The following PGAM1 variants were observed in gnomAD, a reference collection of about 807,000 sequenced individuals.
PGAM1 encodes phosphoglycerate mutase 1, also known as BPG-dependent PGAM 1.
PGAM1 carries 21 observed loss-of-function variants against 23.5 expected under a neutral mutation model. That is an observed-to-expected ratio of 0.89 (90% confidence interval 0.63 to 1.29). The LOEUF is 1.29. PGAM1 is among the 50% of genes most tolerant of loss of function. The pLI, the probability that PGAM1 is intolerant of heterozygous loss-of-function variation, is 0.00. For synonymous variants in PGAM1, 109 were observed against 128.6 expected (o/e 0.85, Z 1.03); for missense variants, 232 against 336.3 (o/e 0.69, Z 2.42).
At chr10:97,427,513 G>A in intron 1 of PGAM1, 4 of 1,063,984 alleles carry the variant, frequency 3.8e-6, no homozygotes, top group East Asian at 8.6e-5. Context: ...ACTTGTCCAA[G>A]GTCATATCTG....
intron 1 of PGAM1, 70 bp from the exon 2 acceptor site, chr10:97,430,309 T>C (rs1404543285): frequency 4.5e-6 from 7 of 1,569,858 alleles, no homozygotes; most frequent in East Asian, 2.2e-5. Flanking sequence ...GTACAGGAGA[T>C]TGATACTGAA....
chr10:97,426,902 C>G (rs551207384), intron 1 of PGAM1, among the ~76,000 whole-genome samples: 1 of 152,178 alleles, frequency 6.6e-6, no homozygotes, highest in African/African-American at 2.4e-5. Context: ...GCCGTGGTGG[C>G]GCACGCCTGT....
chr10:97,427,333 C>G, intron 1 of PGAM1: 1 of 990,244 alleles, frequency 1.0e-6, no homozygotes, highest in Non-Finnish European at 1.2e-6. Context: ...CTTTGCTGTT[C>G]AGTAGCATTC....
rs751797214 is a variant in PGAM1 at position 97,430,491 on chromosome 10, T to C, written c.252T>C (p.Thr84=). ...IDQMWLPVVR[T]WRLNERHYGG... ...AGATGTGGCTGCCAGTGGTGAGGAC[T>C]TGGCGCCTCAATGAGCGGCACTATG... Residue 84 remains threonine (T), a synonymous_variant, in exon 2 of 4, where the codon ACT becomes ACC. Transcript: ENST00000334828. 62 of 1,602,626 alleles carry C rather than the reference T, an allele frequency of 3.9e-5. No homozygotes were observed. Among genetic ancestry groups the C allele is most frequent in the Non-Finnish European group, 5.1e-5 (60 of 1,179,568 alleles).
chr10:97,427,722 C>A, intron 1 of PGAM1: 1 of 1,252,046 alleles, frequency 8.0e-7, no homozygotes, highest in Middle Eastern at 2.3e-4. Context: ...CTGCTGCCGG[C>A]ACGGCCAAGA....
At chr10:97,427,285 G>A in intron 1 of PGAM1, 1 of 986,428 alleles carries the variant, frequency 1.0e-6, no homozygotes, top group African/African-American at 1.7e-5. Context: ...TGCCTAACAA[G>A]CCTCAGAACA....
rs1263060628 is a variant in PGAM1, at chr10:97,431,112, G to A, written c.572G>A (p.Arg191Gln). Residue 191 changes from arginine (R) to glutamine (Q), a missense_variant, in exon 3 of 4, where the codon CGG becomes CAG. Arg to Gln is a conservative substitution (Grantham distance 43). Around this residue, in one of 3 missense-constraint regions of PGAM1, gnomAD observed 191 missense variants for 241.7 expected, o/e 0.79. Coordinates refer to ENST00000334828, the MANE Select transcript of PGAM1 (RefSeq NM_002629.4). ...VLIAAHGNSLRGIVKHLEGLS... is the reference protein window; with the variant it reads ...VLIAAHGNSLQGIVKHLEGLS... ...ATTGCAGCCCATGGCAACAGCCTCC[G>A]GGGCATTGTCAAGCATCTGGAGGGT... The A allele has an allele frequency of 4.3e-6, 7 of 1,614,150 alleles. No individual in the cohort carries two copies. Among genetic ancestry groups the A allele is most frequent in the South Asian group, 2.2e-5 (2 of 91,084 alleles).
intron 1 of PGAM1, chr10:97,427,248 C>A: frequency 1.0e-6 from 1 of 985,994 alleles, no homozygotes; most frequent in Non-Finnish European, 1.2e-6. Flanking sequence ...CAGCCTCGTC[C>A]CCAGCAGTAG....
chr10:97,426,927 G>C (rs747686007), intron 1 of PGAM1, among the ~76,000 whole-genome samples: 1 of 152,194 alleles, frequency 6.6e-6, no homozygotes, highest in Non-Finnish European at 1.5e-5. Context: ...CCAGCTACTC[G>C]GGAGGCTGAA....
intron 1 of PGAM1, among the ~76,000 whole-genome samples, chr10:97,429,243 A>G (rs914827199): frequency 1.3e-5 from 2 of 151,806 alleles, no homozygotes; most frequent in African/African-American, 4.8e-5. Context: ...AGCTGGGACT[A>G]CAGGCGCCCG....
intron 1 of PGAM1, chr10:97,427,314 T>C: frequency 1.0e-6 from 1 of 986,484 alleles, no homozygotes; most frequent in Non-Finnish European, 1.2e-6. Flanking sequence ...TCCGCGTGGT[T>C]GTGCAGGTCT....
At chr10:97,430,059 AAAAG>A (rs1174412957) in intron 1 of PGAM1, among the ~76,000 whole-genome samples, 5 of 151,826 alleles carry the variant, frequency 3.3e-5, no homozygotes, top group South Asian at 4.1e-4. Flanking sequence ...AAAAAAAAAA[AAAAG>A]AAAAGAAAAA....
In PGAM1 at chr10:97,426,218, C is replaced by T. The variant is rs1023843919; in HGVS notation, c.-90C>T. ...GAACTTGCGCGGGAGCCGGACTGAG[C>T]GGTGCGAGCGCGCAGGCGCGGCCGA... On this transcript the variant is annotated 5_prime_UTR_variant, in exon 1 of 4. Coordinates refer to ENST00000334828, the MANE Select transcript of PGAM1 (RefSeq NM_002629.4). The T allele has an allele frequency of 3.8e-6, 6 of 1,581,404 alleles. No individual in the cohort carries two copies. The highest frequency in any genetic ancestry group is 4.3e-6 in the Non-Finnish European group (5 of 1,156,038).
intron 1 of PGAM1, chr10:97,427,643 G>C: frequency 8.4e-7 from 1 of 1,187,744 alleles, no homozygotes; most frequent in Non-Finnish European, 1.1e-6. Flanking sequence ...GATAATGCTT[G>C]CCTATCCAGG....
At chr10:97,428,545 T>A (rs1328742919) in intron 1 of PGAM1, among the ~76,000 whole-genome samples, 1 of 143,342 alleles carries the variant, frequency 7.0e-6, no homozygotes, top group Non-Finnish European at 1.6e-5. Context: ...AAGCGGAACT[T>A]CTTTTCTCCT....
At chr10:97,427,339 C>T (rs919653744) in intron 1 of PGAM1, 16 of 990,384 alleles carry the variant, frequency 1.6e-5, no homozygotes, top group Admixed American at 6.0e-5. Context: ...TGTTCAGTAG[C>T]ATTCCACAAA....
chr10:97,431,430 A>C (rs562442917), intron 3 of PGAM1, among the ~76,000 whole-genome samples: 1 of 152,196 alleles, frequency 6.6e-6, no homozygotes, highest in African/African-American at 2.4e-5. Flanking sequence ...ATACACATTA[A>C]AGATTGAGAA....
At chr10:97,426,564 A>G in intron 1 of PGAM1, 118 bp downstream of exon 1, 1 of 1,286,442 alleles carries the variant, frequency 7.8e-7, no homozygotes, top group Admixed American at 2.9e-5. Context: ...CTCTCTTAAC[A>G]GTTTAGTGTG....
chr10:97,430,922 A>G (rs775856549), intron 2 of PGAM1, 33 bp from the exon 3 acceptor site: 11 of 1,613,358 alleles, frequency 6.8e-6, no homozygotes, highest in South Asian at 4.4e-5. Context: ...GTAACTCTTA[A>G]TAAGTGGTGA....
Sources: allele counts gnomAD v4.1 joint callset (sites outside exome capture counted in the v4.1 genomes callset), GRCh38; gene constraint gnomAD v4.1.1; regional missense constraint gnomAD v4.1.1; transcripts MANE v1.5; gene names NCBI Gene and HGNC (gene_info 2026-07-23, HGNC 2026-07-21).